The following HMGXB4 variants were observed in gnomAD, a reference collection of about 807,000 sequenced individuals.
HMGXB4 encodes HMG domain-containing protein 4.
A neutral mutation model predicts 63.9 loss-of-function variants in HMGXB4; 27 were observed. That is an observed-to-expected ratio of 0.42 (90% CI 0.31 to 0.58). The LOEUF is 0.58. HMGXB4 is among the 20% of genes least tolerant of loss of function. The probability of loss-of-function intolerance (pLI) is 0.13; values close to 1 mark genes in which losing one functional copy is unlikely to be tolerated. For missense variants in HMGXB4, 624 were observed against 700.7 expected (o/e 0.89, Z 1.24); for synonymous variants, 264 against 265.3 (o/e 0.99, Z 0.05).
rs1008621819 is a variant in HMGXB4 at position 35,288,416 on chromosome 22, A to C, written c.1638+9A>C. On this transcript the variant is annotated intron_variant, in intron 9 of 10. Transcript: ENST00000216106. ...GTCTGCAGGAAACTGAGGTGAATAC[A>C]ACTATCAGCAGCATGACTACAGTTT... 6.4e-7 allele frequency: 1 copy of C among 1,567,072 alleles called. No individual in the cohort carries two copies. The highest frequency in any genetic ancestry group is 8.7e-7 in the Non-Finnish European group (1 of 1,155,240).
intron 5 of HMGXB4, among the ~76,000 whole-genome samples, chr22:35,283,188 G>A (rs1328007322): frequency 6.6e-6 from 1 of 152,172 alleles, no homozygotes; most frequent in African/African-American, 2.4e-5. Context: ...GACAATAAAA[G>A]CAGGATGAGG....
rs572124969 is a variant in HMGXB4, at chr22:35,270,692, G to T, written c.1215+5089G>T. Among the ~76,000 whole-genome samples the T allele has an allele frequency of 9.2e-5, 14 of 152,290 alleles. No homozygotes were observed. In the South Asian group the frequency reaches 1.5e-3, roughly 16 times the overall value. On this transcript the variant is annotated intron_variant, in intron 5 of 10. Transcript: ENST00000216106. ...AAATAGTAAGCTCTTCAAAGTTAAG[G>T]ACTTATCTATAATTTGCCCATGTGG... is the stretch of plus-strand genomic sequence containing the variant.
chr22:35,271,417 G>A (rs975002110), intron 5 of HMGXB4, among the ~76,000 whole-genome samples: 7 of 152,216 alleles, frequency 4.6e-5, no homozygotes, highest in Non-Finnish European at 8.8e-5. Context: ...TAGAGAAGGT[G>A]AGAAGAATAG....
upstream of HMGXB4, among the ~76,000 whole-genome samples, chr22:35,257,058 A>G (rs1922451151): frequency 6.6e-6 from 1 of 152,244 alleles, no homozygotes; most frequent in Admixed American, 6.5e-5. Flanking sequence ...AGTCCAAATA[A>G]GCACACTGCT....
At chr22:35,248,000 G>T in the HMGXB4 span, among the ~76,000 whole-genome samples, 1 of 151,990 alleles carries the variant, frequency 6.6e-6, no homozygotes, top group South Asian at 2.1e-4. Flanking sequence ...ACACACCCAG[G>T]ATACATGGTA....
upstream of HMGXB4, among the ~76,000 whole-genome samples, chr22:35,252,573 C>T (rs908851594): frequency 2.6e-5 from 4 of 152,322 alleles, no homozygotes; most frequent in Admixed American, 6.5e-5. Context: ...TCCCACTGTA[C>T]GTATATGCCA....
intron 5 of HMGXB4, 21 bp downstream of exon 5, chr22:35,265,624 G>A (rs372642793): frequency 6.6e-6 from 10 of 1,525,546 alleles, no homozygotes; most frequent in Non-Finnish European, 8.8e-6. Context: ...TTTTAAGTGT[G>A]GTGGGGGTAA....
chr22:35,258,046 G>C (rs1290392003), intron 1 of HMGXB4: 1 of 152,314 alleles, frequency 6.6e-6, no homozygotes, highest in African/African-American at 2.4e-5. Flanking sequence ...GCTGGCAGGA[G>C]AAAGTACGAG....
At chr22:35,274,856 G>A (rs77373026) in intron 5 of HMGXB4, among the ~76,000 whole-genome samples, 2,835 of 152,240 alleles carry the variant, frequency 0.019, 83 homozygotes, top group African/African-American at 0.064. Flanking sequence ...CAGATTTGGG[G>A]ATCTCAGTCA....
chr22:35,285,683 A>G (rs1193332728), intron 6 of HMGXB4, among the ~76,000 whole-genome samples: 2 of 152,254 alleles, frequency 1.3e-5, no homozygotes, highest in Non-Finnish European at 2.9e-5. Flanking sequence ...CCATGATCAC[A>G]CCACTGCAAT....
At chr22:35,244,401 T>G in the HMGXB4 span, among the ~76,000 whole-genome samples, 1 of 151,984 alleles carries the variant, frequency 6.6e-6, no homozygotes, top group Non-Finnish European at 1.5e-5. Flanking sequence ...AAATAGAGTT[T>G]TCTCTTCAAA....
chr22:35,293,169 G>C lies in HMGXB4; in HGVS notation c.1761+55G>C. The C allele has an allele frequency of 1.2e-5, 19 of 1,595,972 alleles. No individual in the cohort carries two copies. In the South Asian group the frequency reaches 1.4e-4, roughly 12 times the overall value. ...ATCCATTGGGCGTCAGAGATGCCCT[G>C]CCTTAATGAGCACTGTCAGACACAC... On this transcript the variant is annotated intron_variant, in intron 10 of 10. Coordinates refer to ENST00000216106, the MANE Select transcript of HMGXB4 (RefSeq NM_001003681.3).
intron 5 of HMGXB4, among the ~76,000 whole-genome samples, chr22:35,276,442 T>C (rs1923917837): frequency 6.6e-6 from 1 of 152,198 alleles, no homozygotes; most frequent in South Asian, 2.1e-4. Flanking sequence ...ACAGAAACTA[T>C]CTGGGGAGAA....
At chr22:35,264,593 C>T (rs1923068934) in intron 4 of HMGXB4, 55 bp from the exon 5 acceptor site, 10 of 1,283,186 alleles carry the variant, frequency 7.8e-6, no homozygotes, top group Non-Finnish European at 1.1e-5. Flanking sequence ...AGAGAGGAAA[C>T]TTGTTAGAAG....
rs1226955354 is a variant in HMGXB4, at chr22:35,265,095, T to C, written c.707T>C (p.Leu236Pro). The C allele has an allele frequency of 4.3e-6, 7 of 1,614,018 alleles. No homozygotes were observed. In the South Asian group the frequency reaches 5.5e-5, roughly 13 times the overall value. ...KSARDEQGALLLGHELQSFLK... is the reference protein window; with the variant it reads ...KSARDEQGALPLGHELQSFLK... ...GCTCGGGATGAGCAGGGTGCTTTAC[T>C]CCTAGGACATGAGTTACAGAGCTTT... The change falls in exon 5 of 11, where the codon CTC becomes CCC. Residue 236 changes from leucine to proline, a missense_variant. Leu to Pro is a moderately conservative substitution (Grantham distance 98). Coordinates refer to ENST00000216106, the MANE Select transcript of HMGXB4 (RefSeq NM_001003681.3).
chr22:35,272,370 A>C (rs1923658857), intron 5 of HMGXB4, among the ~76,000 whole-genome samples: 1 of 45,236 alleles, frequency 2.2e-5, no homozygotes, highest in African/African-American at 3.4e-5. Context: ...TGACACAAAG[A>C]AGGGAAATTA....
chr22:35,261,742 G>A (rs1412848326), intron 1 of HMGXB4: 1 of 152,186 alleles, frequency 6.6e-6, no homozygotes, highest in Non-Finnish European at 1.5e-5. Context: ...TGCTTTTACA[G>A]TTACATAAAT....
At chr22:35,277,700 ATTT>A (rs1044593042) in intron 5 of HMGXB4, among the ~76,000 whole-genome samples, 1 of 152,120 alleles carries the variant, frequency 6.6e-6, no homozygotes, top group Non-Finnish European at 1.5e-5. Context: ...TTAAGATTTT[ATTT>A]TTTTGCAGCA....
chr22:35,242,494 TG>T, the HMGXB4 span, among the ~76,000 whole-genome samples: 3 of 152,064 alleles, frequency 2.0e-5, no homozygotes, highest in African/African-American at 7.2e-5. Flanking sequence ...AGGTCTGTAG[TG>T]ATATCTCCTG....
Sources: gnomAD v4.1 joint callset for allele counts (sites outside exome capture counted in the v4.1 genomes callset) on GRCh38, gnomAD v4.1.1 for gene constraint, MANE v1.5 for transcripts, NCBI Gene and HGNC (gene_info 2026-07-23, HGNC 2026-07-21) for gene names.